Variants in GTF3C5 observed in about 807,000 individuals in gnomAD.
The protein encoded by GTF3C5 is general transcription factor 3C polypeptide 5.
Under a neutral mutation model 61.0 loss-of-function variants are expected in GTF3C5, and 47 were observed. That is an observed-to-expected ratio of 0.77 (90% CI 0.61 to 0.98). The LOEUF (loss-of-function observed/expected upper bound fraction) is 0.98, where lower values mean the gene tolerates loss of function less well. Ranked by LOEUF, GTF3C5 falls within the 50% of genes least tolerant of loss-of-function variation. GTF3C5 has a pLI of 0.00. For synonymous variants in GTF3C5, 295 were observed against 275.4 expected (o/e 1.07, Z -0.71); for missense variants, 659 against 703.3 (o/e 0.94, Z 0.71).
At chr9:133,055,986 C>T (rs1829925287) in intron 8 of GTF3C5, 26 bp from the exon 9 acceptor site, 1 of 1,613,882 alleles carries the variant, frequency 6.2e-7, no homozygotes, top group Non-Finnish European at 8.5e-7. Context: ...CTCACCTTCC[C>T]TGTCTCTCTC....
chr9:133,052,128 G>C lies in GTF3C5; in HGVS notation c.837G>C (p.Lys279Asn), dbSNP rs757070334. The C allele has an allele frequency of 2.5e-6, 4 of 1,607,174 alleles. No individual in the cohort carries two copies. The Admixed American group carries it at 5.0e-5, about 20-fold the overall frequency. ...CCAACATCAGCGTCCACCCAGACAAGCTCAAGGTCTTGCTTCCCTTCATAG... is the reference window on the plus strand; with the variant it reads ...CCAACATCAGCGTCCACCCAGACAACCTCAAGGTCTTGCTTCCCTTCATAG... ...VKANISVHPD[K>N]LKVLLPFIAY... The change falls in exon 5 of 11, where the codon AAG (lysine) becomes AAC (asparagine). Residue 279 changes from lysine to asparagine, a missense_variant. Lys to Asn is a moderately conservative substitution (Grantham distance 94, BLOSUM62 0). Transcript: ENST00000372097.
chr9:133,037,967 T>C (rs1849915638), intron 1 of GTF3C5, among the ~76,000 whole-genome samples: 3 of 152,154 alleles, frequency 2.0e-5, no homozygotes, highest in African/African-American at 7.2e-5. Context: ...GAGGAAAGGT[T>C]CCTGTGTCTT....
intron 10 of GTF3C5, among the ~76,000 whole-genome samples, chr9:133,057,542 G>GA (rs1470935989): frequency 6.6e-6 from 1 of 152,182 alleles, no homozygotes; most frequent in East Asian, 1.9e-4. Context: ...CAAGGGTGTG[G>GA]ACCCTTTCCC....
At position 133,054,856 on chromosome 9, in the gene GTF3C5, G is replaced by A. The variant is rs867869385; in HGVS notation, c.1167+47G>A. 2.6e-6 allele frequency: 4 copies of A among 1,539,448 alleles called. No homozygotes were observed. The African/African-American group carries it at 4.1e-5, about 16-fold the overall frequency. On this transcript the variant is annotated intron_variant, in intron 8 of 10. Coordinates refer to ENST00000372097, the MANE Select transcript of GTF3C5 (RefSeq NM_012087.4). ...GAATGGAGGGGAGGACTTCCCTCTT[G>A]GGGCCGGGCACCTTGTGGGTGACAC...
chr9:133,056,662 C>T, intron 9 of GTF3C5, 104 bp from the exon 10 acceptor site: 2 of 1,140,854 alleles, frequency 1.8e-6, no homozygotes, highest in Non-Finnish European at 1.2e-6. Context: ...ACGGGGCTGC[C>T]TTTGATCTCA....
intron 4 of GTF3C5, 122 bp from the exon 5 acceptor site, chr9:133,051,938 C>T (rs888675861): frequency 7.1e-6 from 4 of 567,262 alleles, no homozygotes; most frequent in African/African-American, 3.9e-5. Flanking sequence ...GTGTGTCCAG[C>T]CCCTGTCCTC....
chr9:133,040,514 G>A (rs190541382), intron 1 of GTF3C5, among the ~76,000 whole-genome samples: 11 of 152,304 alleles, frequency 7.2e-5, no homozygotes, highest in East Asian at 3.9e-4. Context: ...CATAACAGTC[G>A]TATGACATAG....
chr9:133,049,825 C>T (rs531707723), intron 3 of GTF3C5, among the ~76,000 whole-genome samples: 39 of 152,220 alleles, frequency 2.6e-4, no homozygotes, highest in East Asian at 9.6e-4. Flanking sequence ...CAAAATAAGG[C>T]GCAGCGATTT....
At position 133,058,007 on chromosome 9, in the gene GTF3C5, C is replaced by T; in HGVS notation, c.*27C>T. ...AGGGCCCAAGGCTGGGCCTCCCTGA[C>T]CCGGCCAGACTGGTGTCTGGCCTAA... On this transcript the variant is annotated 3_prime_UTR_variant, in exon 11 of 11. Coordinates refer to ENST00000372097, the MANE Select transcript of GTF3C5 (RefSeq NM_012087.4). 6 of 1,612,908 alleles carry T rather than the reference C, an allele frequency of 3.7e-6. No homozygotes were observed. Among genetic ancestry groups the T allele is most frequent in the Non-Finnish European group, 5.1e-6 (6 of 1,179,574 alleles).
At position 133,057,689 on chromosome 9, in the gene GTF3C5, G is replaced by C. The variant is rs1341614967; in HGVS notation, c.1394-125G>C. On this transcript the variant is annotated intron_variant, in intron 10 of 10. Coordinates refer to ENST00000372097, the MANE Select transcript of GTF3C5 (RefSeq NM_012087.4). ...GCCTCCACCCCATACTTACCCACCAGCTTCTTAAGAGCTCGAGCTCGGACC... is the reference window on the plus strand; with the variant it reads ...GCCTCCACCCCATACTTACCCACCACCTTCTTAAGAGCTCGAGCTCGGACC... The C allele has an allele frequency of 3.6e-5, 30 of 841,652 alleles. No homozygotes were observed. The East Asian group carries it at 7.6e-4, about 21-fold the overall frequency. The allele number at this position is 841,652 out of a possible 1,614,324, so 52.1% of individuals were successfully genotyped here.
chr9:133,058,086 A>G lies in GTF3C5; in HGVS notation c.*106A>G. On this transcript the variant is annotated 3_prime_UTR_variant, in exon 11 of 11. Coordinates refer to ENST00000372097, the MANE Select transcript of GTF3C5 (RefSeq NM_012087.4). ...CCACAGTGCCCGGAATGGCCCTAGG[A>G]GGCCCTCTGAGGAGAGCTAGAGTCC... 6.5e-7 allele frequency: 1 copy of G among 1,545,606 alleles called. No homozygotes were observed. Among genetic ancestry groups the G allele is most frequent in the Non-Finnish European group, 8.7e-7 (1 of 1,150,228 alleles).
In GTF3C5 at chr9:133,031,027, G is replaced by A. The variant is rs1435482084; in HGVS notation, c.16G>A (p.Ala6Thr). ...ACGCACAGGGATGGCGGCGGAGGCG[G>A]CCGATTTGGGGCTGGGGGCCGCCGT... is the stretch of plus-strand genomic sequence containing the variant. MAAEA[A>T]DLGLGAAVPV... The change falls in exon 1 of 11, where the codon GCC (alanine) becomes ACC (threonine). Residue 6 changes from alanine to threonine, a missense_variant. Ala to Thr is a moderately conservative substitution (Grantham distance 58, BLOSUM62 0). Transcript: ENST00000372097. 1 of 1,612,158 alleles carries A rather than the reference G, an allele frequency of 6.2e-7. No individual in the cohort carries two copies. The highest frequency in any genetic ancestry group is 8.5e-7 in the Non-Finnish European group (1 of 1,179,144).
chr9:133,054,985 C>G, intron 8 of GTF3C5, 176 bp downstream of exon 8: 1 of 1,551,700 alleles, frequency 6.4e-7, no homozygotes, highest in Non-Finnish European at 8.7e-7. Context: ...GGGTGCAAAG[C>G]CCCAGGGCTG....
chr9:133,048,573 G>C (rs1850275704), intron 3 of GTF3C5, among the ~76,000 whole-genome samples: 1 of 152,190 alleles, frequency 6.6e-6, no homozygotes, highest in African/African-American at 2.4e-5. Context: ...GGGGGCTGAG[G>C]CAGGAGAATC....
At chr9:133,038,623 G>GTTT (rs80020215) in intron 1 of GTF3C5, among the ~76,000 whole-genome samples, 9 of 139,906 alleles carry the variant, frequency 6.4e-5, no homozygotes, top group East Asian at 2.0e-4. Context: ...GCTAATTTTT[G>GTTT]TTTTTTTTTT....
intron 9 of GTF3C5, 98 bp from the exon 10 acceptor site, chr9:133,056,668 T>C: frequency 6.7e-6 from 8 of 1,193,846 alleles, no homozygotes; most frequent in Non-Finnish European, 9.2e-6. Flanking sequence ...CTGCCTTTGA[T>C]CTCAGTACAG....
intron 1 of GTF3C5, among the ~76,000 whole-genome samples, chr9:133,041,145 G>A (rs912640687): frequency 9.9e-5 from 15 of 152,206 alleles, no homozygotes; most frequent in Non-Finnish European, 1.3e-4. Context: ...AGCGGACCAT[G>A]GTCTAGCGGT....
At chr9:133,040,252 GTCTTCTTCATTC>G (rs1849999502) in intron 1 of GTF3C5, among the ~76,000 whole-genome samples, 2 of 152,150 alleles carry the variant, frequency 1.3e-5, no homozygotes, top group Admixed American at 6.6e-5. Context: ...TGAGAACCAA[GTCTTCTTCATTC>G]TCTCCCGAGA....
At chr9:133,055,239 C>T (rs939636505) in intron 8 of GTF3C5, 214 of 1,484,846 alleles carry the variant, frequency 1.4e-4, no homozygotes, top group Non-Finnish European at 1.7e-4. Flanking sequence ...GGTTGCCCAG[C>T]GGGGGTTGGC....
Sources: allele counts gnomAD v4.1 joint callset (sites outside exome capture counted in the v4.1 genomes callset), GRCh38; gene constraint gnomAD v4.1.1; transcripts MANE v1.5; gene names NCBI Gene and HGNC (gene_info 2026-07-23, HGNC 2026-07-21).